THSD7A: variants seen among roughly 807,000 people sequenced by gnomAD.
THSD7A encodes the protein thrombospondin type-1 domain-containing protein 7A.
A neutral mutation model predicts 231.3 loss-of-function variants in THSD7A; 96 were observed. The observed-to-expected ratio is 0.41, with a 90% CI of 0.35 to 0.49. The LOEUF is 0.49. Ranked by LOEUF, THSD7A falls within the 20% of genes least tolerant of loss-of-function variation. THSD7A has a pLI of 0.05. For synonymous variants in THSD7A, 940 were observed against 743.3 expected, an observed-to-expected ratio of 1.26 and a Z score of -4.30; for missense variants, 2,290 against 2,070.2, an observed-to-expected ratio of 1.11 and a Z score of -2.06.
At chr7:11,533,051 T>TA (rs1378932788) in intron 6 of THSD7A, among the ~76,000 whole-genome samples, 2 of 152,004 alleles carry the variant, frequency 1.3e-5, no homozygotes, top group African/African-American at 4.8e-5. Flanking sequence ...TAGCCCAAAA[T>TA]AAAAAGAAGG....
intron 1 of THSD7A, among the ~76,000 whole-genome samples, chr7:11,829,620 C>T (rs2128189306): frequency 6.6e-6 from 1 of 152,200 alleles, no homozygotes; most frequent in East Asian, 1.9e-4. Context: ...GAGTATGTCA[C>T]CTCTTTTCTC....
intron 19 of THSD7A, among the ~76,000 whole-genome samples, chr7:11,409,242 C>G (rs929640408): frequency 6.6e-6 from 1 of 152,146 alleles, no homozygotes; most frequent in Non-Finnish European, 1.5e-5. Flanking sequence ...AGGTTTAACT[C>G]TAATTTTCCT....
intron 2 of THSD7A, among the ~76,000 whole-genome samples, chr7:11,599,167 A>C (rs778489637): frequency 1.4e-4 from 22 of 152,122 alleles, no homozygotes; most frequent in Admixed American, 1.4e-3. Flanking sequence ...ACAGGAGATC[A>C]ATTAGGGCGT....
chr7:11,390,063 A>G (rs1204758776), intron 23 of THSD7A, among the ~76,000 whole-genome samples: 1 of 151,970 alleles, frequency 6.6e-6, no homozygotes, highest in African/African-American at 2.4e-5. Context: ...GTTCATTTCA[A>G]CCTTTGTGAA....
intron 1 of THSD7A, among the ~76,000 whole-genome samples, chr7:11,692,362 G>A (rs1431986522): frequency 6.6e-6 from 1 of 151,536 alleles, no homozygotes; most frequent in African/African-American, 2.4e-5. Flanking sequence ...TACAGTTAAA[G>A]GAAGGGTGCA....
At chr7:11,555,897 C>T (rs1789824951) in intron 4 of THSD7A, among the ~76,000 whole-genome samples, 1 of 151,572 alleles carries the variant, frequency 6.6e-6, no homozygotes, top group Non-Finnish European at 1.5e-5. Context: ...CATAGCCACT[C>T]CTGCTTCCAT....
intron 9 of THSD7A, among the ~76,000 whole-genome samples, chr7:11,467,489 TTAAA>T (rs1562632937): frequency 6.7e-6 from 1 of 148,832 alleles, no homozygotes; most frequent in Non-Finnish European, 1.5e-5. Context: ...AAATAAGTAA[TTAAA>T]TAAGTATTTA....
intron 7 of THSD7A, 34 bp downstream of exon 7, chr7:11,481,754 C>A: frequency 6.5e-7 from 1 of 1,536,240 alleles, no homozygotes; most frequent in Non-Finnish European, 8.8e-7. Context: ...ACTTTTGAAA[C>A]GAACCTAGAT....
At chr7:11,543,656 G>C (rs1434961856) in intron 4 of THSD7A, among the ~76,000 whole-genome samples, 1 of 152,134 alleles carries the variant, frequency 6.6e-6, no homozygotes, top group Non-Finnish European at 1.5e-5. Flanking sequence ...CCCAGCTACA[G>C]TGCTCACTGA....
intron 6 of THSD7A, among the ~76,000 whole-genome samples, chr7:11,531,086 A>G (rs376662756): frequency 6.6e-6 from 1 of 152,176 alleles, no homozygotes; most frequent in African/African-American, 2.4e-5. Flanking sequence ...ATACCATAAC[A>G]CTAGTATAAA....
intron 1 of THSD7A, among the ~76,000 whole-genome samples, chr7:11,684,375 C>T (rs1779954480): frequency 1.3e-5 from 2 of 149,686 alleles, no homozygotes; most frequent in Admixed American, 6.7e-5. Flanking sequence ...TACTAGAAAT[C>T]CTAGCCAGAG....
rs531023332 is a variant in THSD7A, at chr7:11,616,750, T to C, written c.1022+19380A>G. ...ACTTTTGAGAAGTCTAGCTCTTTTG[T>C]TGCTTTAATTGTTTTTCTTGAAAGG... On this transcript the variant is annotated intron_variant, in intron 2 of 27. Transcript: ENST00000423059. Among the ~76,000 whole-genome samples, 203 of 152,248 alleles carry C rather than the reference T, an allele frequency of 1.3e-3. 1 individual carries two copies. The highest frequency in any genetic ancestry group is 4.7e-3 in the African/African-American group (194 of 41,564).
At chr7:11,618,948 C>A (rs1026747699) in intron 2 of THSD7A, among the ~76,000 whole-genome samples, 7 of 151,496 alleles carry the variant, frequency 4.6e-5, no homozygotes, top group African/African-American at 1.7e-4. Context: ...TTTATTTTTT[C>A]TTTATATTTT....
At chr7:11,497,412 A>C (rs1238570555) in intron 6 of THSD7A, among the ~76,000 whole-genome samples, 1 of 152,188 alleles carries the variant, frequency 6.6e-6, no homozygotes, top group Non-Finnish European at 1.5e-5. Context: ...CAAATATAAA[A>C]CTAATGGTAT....
intron 19 of THSD7A, among the ~76,000 whole-genome samples, chr7:11,408,009 G>A (rs552603225): frequency 6.6e-6 from 1 of 152,116 alleles, no homozygotes; most frequent in Non-Finnish European, 1.5e-5. Context: ...TTAAAACAAA[G>A]ATTTTCACTT....
At chr7:11,384,326 G>A (rs1408194581) in intron 23 of THSD7A, 2 of 151,606 alleles carry the variant, frequency 1.3e-5, no homozygotes, top group African/African-American at 4.8e-5. Flanking sequence ...TTTCAAGTTT[G>A]TGGCTTGTCC....
At position 11,487,817 on chromosome 7, in the gene THSD7A, G is replaced by GCCCC. The variant is rs1306337799; in HGVS notation, c.1823-5839_1823-5836dup. ...ACCATTATTTAATTATCTCCACCTG[G>GCCCC]CCCCACCCTTGACACGTGGGGATTA... On this transcript the variant is annotated intron_variant, in intron 6 of 27. Coordinates refer to ENST00000423059, the MANE Select transcript of THSD7A (RefSeq NM_015204.3). Among the ~76,000 whole-genome samples the GCCCC allele has an allele frequency of 3.3e-5, 5 of 152,196 alleles. No individual in the cohort carries two copies. The South Asian group carries it at 6.2e-4, about 19-fold the overall frequency.
At chr7:11,523,948 T>G (rs1045731851) in intron 6 of THSD7A, among the ~76,000 whole-genome samples, 2 of 152,150 alleles carry the variant, frequency 1.3e-5, no homozygotes, top group Admixed American at 6.6e-5. Context: ...ATGGTATAGA[T>G]TATTATATTT....
At chr7:11,478,899 G>A (rs1012345606) in intron 7 of THSD7A, among the ~76,000 whole-genome samples, 7 of 151,944 alleles carry the variant, frequency 4.6e-5, no homozygotes, top group African/African-American at 9.7e-5. Context: ...TCCCTCATTC[G>A]CCTTGAAGTT....
Sources: allele counts gnomAD v4.1 joint callset (sites outside exome capture counted in the v4.1 genomes callset), GRCh38; gene constraint gnomAD v4.1.1; transcripts MANE v1.5; gene names NCBI Gene and HGNC (gene_info 2026-07-23, HGNC 2026-07-21).